Variants in NOS1AP observed in about 807,000 individuals in gnomAD.
The protein encoded by NOS1AP is nitric oxide synthase 1 adaptor protein, also known as carboxyl-terminal PDZ ligand of neuronal nitric oxide synthase protein.
Under a neutral mutation model 56.2 loss-of-function variants are expected in NOS1AP, and 21 were observed. The ratio of observed to expected loss-of-function variants is 0.37; its 90% CI spans 0.26 to 0.54. The LOEUF is 0.54. Ranked by LOEUF, NOS1AP falls within the 20% of genes least tolerant of loss-of-function variation. The pLI is 0.84. For missense variants in NOS1AP, 522 were observed against 657.8 expected (o/e 0.79, Z 2.26); for synonymous variants, 270 against 274.6 (o/e 0.98, Z 0.17).
intron 8 of NOS1AP, chr1:162,364,544 C>A: frequency 1.0e-6 from 1 of 985,462 alleles, no homozygotes; most frequent in Non-Finnish European, 1.2e-6. Flanking sequence ...CTGTTGACAC[C>A]ACTGGGCCTC....
intron 8 of NOS1AP, among the ~76,000 whole-genome samples, chr1:162,358,555 T>C (rs919885694): frequency 6.6e-6 from 1 of 152,058 alleles, no homozygotes; most frequent in African/African-American, 2.4e-5. Flanking sequence ...TTCTTATATT[T>C]GGAGAAAAAA....
intron 4 of NOS1AP, among the ~76,000 whole-genome samples, chr1:162,330,583 C>A (rs923486071): frequency 6.6e-6 from 1 of 152,036 alleles, no homozygotes; most frequent in African/African-American, 2.4e-5. Flanking sequence ...GAGATGACTG[C>A]AGAAAGGTAG....
chr1:162,339,831 T>C (rs1190822616), intron 5 of NOS1AP, among the ~76,000 whole-genome samples: 1 of 152,182 alleles, frequency 6.6e-6, no homozygotes, highest in Admixed American at 6.5e-5. Flanking sequence ...AGAAAGCAGA[T>C]GGTGAAGACA....
chr1:162,337,446 A>G (rs1390544278), intron 5 of NOS1AP, among the ~76,000 whole-genome samples: 1 of 152,218 alleles, frequency 6.6e-6, no homozygotes, highest in African/African-American at 2.4e-5. Context: ...TACGAGATGA[A>G]AGATAGGAAA....
At chr1:162,355,467 G>A in intron 7 of NOS1AP, 114 bp downstream of exon 7, 1 of 1,321,582 alleles carries the variant, frequency 7.6e-7, no homozygotes, top group South Asian at 1.2e-5. Context: ...TGGCACAGTG[G>A]CGGTGCCAGA....
At chr1:162,170,145 T>C (rs891199542) in intron 2 of NOS1AP, among the ~76,000 whole-genome samples, 1 of 152,238 alleles carries the variant, frequency 6.6e-6, no homozygotes, top group Admixed American at 6.5e-5. Context: ...TTCAACAGAG[T>C]CACTACCTGA....
chr1:162,197,470 T>A (rs76635132), intron 2 of NOS1AP, among the ~76,000 whole-genome samples: 16,219 of 152,284 alleles, frequency 0.11, 949 homozygotes, highest in South Asian at 0.2. Flanking sequence ...TGGATCTTAC[T>A]GGGAGCTTTC....
At chr1:162,098,013 A>T (rs183962098) in intron 1 of NOS1AP, among the ~76,000 whole-genome samples, 1 of 151,762 alleles carries the variant, frequency 6.6e-6, no homozygotes, top group East Asian at 1.9e-4. Context: ...CTTTTAGTCC[A>T]TGAATATGGC....
intron 2 of NOS1AP, among the ~76,000 whole-genome samples, chr1:162,268,708 A>G (rs1654497090): frequency 6.6e-6 from 1 of 152,222 alleles, no homozygotes; most frequent in Admixed American, 6.5e-5. Flanking sequence ...ACTACATTCT[A>G]AAACAAGCCT....
intron 1 of NOS1AP, among the ~76,000 whole-genome samples, chr1:162,133,151 T>G (rs1295478137): frequency 6.6e-6 from 1 of 152,242 alleles, no homozygotes; most frequent in African/African-American, 2.4e-5. Context: ...AGGTGTGTGC[T>G]TATTATATTA....
At chr1:162,121,814 C>T (rs1648251413) in intron 1 of NOS1AP, among the ~76,000 whole-genome samples, 1 of 152,202 alleles carries the variant, frequency 6.6e-6, no homozygotes, top group African/African-American at 2.4e-5. Context: ...AGAACCCTCA[C>T]CTCTTTGGGG....
chr1:162,290,907 A>G (rs1468272969), intron 3 of NOS1AP, among the ~76,000 whole-genome samples: 2 of 152,004 alleles, frequency 1.3e-5, no homozygotes, highest in Admixed American at 6.5e-5. Flanking sequence ...TTAGGTGATC[A>G]CTTTAACTTT....
chr1:162,125,130 C>CTTTTTTTTTTTT (rs56264198), intron 1 of NOS1AP, among the ~76,000 whole-genome samples: 16 of 124,136 alleles, frequency 1.3e-4, no homozygotes, highest in African/African-American at 5.2e-4. Flanking sequence ...GTTTCTGACT[C>CTTTTTTTTTTTT]TTTTTTTTTT....
chr1:162,278,675 G>A (rs10919048), intron 2 of NOS1AP, among the ~76,000 whole-genome samples: 8,192 of 52,012 alleles, frequency 0.16, 584 homozygotes, highest in African/African-American at 0.43. Flanking sequence ...GTGTGTGTGT[G>A]TGTGTGTGTG....
intron 4 of NOS1AP, 75 bp from the exon 5 acceptor site, chr1:162,332,942 T>G: frequency 9.5e-7 from 1 of 1,055,564 alleles, no homozygotes. Flanking sequence ...AGAGTGTCCT[T>G]AAACAGAGCT....
chr1:162,307,991 A>C (rs370972926), intron 4 of NOS1AP, among the ~76,000 whole-genome samples: 3 of 152,218 alleles, frequency 2.0e-5, no homozygotes, highest in Non-Finnish European at 4.4e-5. Flanking sequence ...TAGGGGAAAC[A>C]GTGGTATGTC....
At chr1:162,150,428 G>A (rs1649659745) in intron 1 of NOS1AP, among the ~76,000 whole-genome samples, 1 of 152,130 alleles carries the variant, frequency 6.6e-6, no homozygotes, top group Non-Finnish European at 1.5e-5. Context: ...CAATAATCTG[G>A]GAGTGCAGAT....
intron 4 of NOS1AP, among the ~76,000 whole-genome samples, chr1:162,303,909 T>C (rs1160066536): frequency 1.3e-5 from 2 of 150,354 alleles, no homozygotes; most frequent in African/African-American, 4.9e-5. Context: ...CTTGTCTTTT[T>C]TTTTTTTTTT....
intron 1 of NOS1AP, among the ~76,000 whole-genome samples, chr1:162,114,873 G>A (rs893327868): frequency 6.6e-6 from 1 of 152,186 alleles, no homozygotes; most frequent in Non-Finnish European, 1.5e-5. Flanking sequence ...TGTTGTAGGG[G>A]TGGGATGGTA....
Sources: gnomAD v4.1 joint callset for allele counts (sites outside exome capture counted in the v4.1 genomes callset) on GRCh38, gnomAD v4.1.1 for gene constraint, MANE v1.5 for transcripts, NCBI Gene and HGNC (gene_info 2026-07-23, HGNC 2026-07-21) for gene names.